SYNJ1: variants seen among roughly 807,000 people sequenced by gnomAD.
The protein encoded by SYNJ1 is polyphosphatidylinositol phosphatase SYNJ1.
In SYNJ1, 78 loss-of-function variants were observed where a neutral mutation model predicts 168.2. That is an observed-to-expected ratio of 0.46 (90% CI 0.39 to 0.56). SYNJ1 has a LOEUF of 0.56. SYNJ1 is among the 20% of genes least tolerant of loss of function. The pLI is 0.00. For synonymous variants in SYNJ1, 539 were observed against 548.6 expected (o/e 0.98, Z 0.24); for missense variants, 1,303 against 1,597.6 (o/e 0.82, Z 3.14).
chr21:32,637,099 G>A (rs1482320012), intron 31 of SYNJ1, among the ~76,000 whole-genome samples: 2 of 152,100 alleles, frequency 1.3e-5, no homozygotes, highest in East Asian at 3.9e-4. Flanking sequence ...TGCACCTCCG[G>A]AAGTTTTTCA....
chr21:32,676,215 A>T, intron 13 of SYNJ1, 117 bp downstream of exon 13: 2 of 724,710 alleles, frequency 2.8e-6, no homozygotes. Context: ...TCCTGTTAGG[A>T]TCTGATGGCA....
intron 3 of SYNJ1, 113 bp from the exon 4 acceptor site, chr21:32,700,218 C>A: frequency 8.1e-7 from 1 of 1,240,624 alleles, no homozygotes; most frequent in Non-Finnish European, 1.1e-6. Flanking sequence ...TTAAACTTAT[C>A]ATGGATGTGT....
At chr21:32,652,607 A>G (rs1417518794) in intron 22 of SYNJ1, among the ~76,000 whole-genome samples, 3 of 152,376 alleles carry the variant, frequency 2.0e-5, no homozygotes, top group African/African-American at 7.2e-5. Context: ...TCAGGCCTAG[A>G]GTACAATCCA....
In SYNJ1 at chr21:32,687,047, A is replaced by G. The variant is rs1337587742; in HGVS notation, c.879T>C (p.Tyr293=). 5.9e-6 allele frequency: 9 copies of G among 1,532,922 alleles called. No homozygotes were observed. Among genetic ancestry groups the G allele is most frequent in the Non-Finnish European group, 7.9e-6 (9 of 1,143,140 alleles). 95.0% of individuals were successfully genotyped at this position (1,532,922 alleles called of 1,614,324 possible). ...GCAAATTTACTATTATTTGTTTACC[A>G]TATAAGTTCTTAAGTGTTCTAAAAT... ...DRHFRTLKNL[Y]GKQIIVNLLG... Residue 293 remains tyrosine, a synonymous_variant, in exon 8 of 33, where the codon TAT becomes TAC. Transcript: ENST00000674351.
chr21:32,634,960 C>CA, intron 31 of SYNJ1, 76 bp from the exon 32 acceptor site: 1 of 1,489,146 alleles, frequency 6.7e-7, no homozygotes. Flanking sequence ...CCTAACAATT[C>CA]AGTCAACAAA....
intron 2 of SYNJ1, among the ~76,000 whole-genome samples, chr21:32,725,531 CTGTTCTT>C (rs2043413643): frequency 6.6e-6 from 1 of 152,156 alleles, no homozygotes; most frequent in Non-Finnish European, 1.5e-5. Context: ...TTCTTATATA[CTGTTCTT>C]TGCTTAAGAC....
intron 12 of SYNJ1, among the ~76,000 whole-genome samples, chr21:32,678,431 G>A (rs1569081470): frequency 1.3e-5 from 2 of 152,060 alleles, no homozygotes; most frequent in African/African-American, 2.4e-5. Context: ...AACCATGCAA[G>A]GGCCTCAGTT....
At chr21:32,701,240 A>G (rs2042389262) in intron 3 of SYNJ1, among the ~76,000 whole-genome samples, 1 of 152,214 alleles carries the variant, frequency 6.6e-6, no homozygotes, top group African/African-American at 2.4e-5. Flanking sequence ...AGTGCTACTC[A>G]AAGTATGGTC....
intron 22 of SYNJ1, among the ~76,000 whole-genome samples, chr21:32,651,908 G>C (rs1336703038): frequency 6.6e-6 from 1 of 152,134 alleles, no homozygotes; most frequent in Non-Finnish European, 1.5e-5. Flanking sequence ...GTCATAAGAG[G>C]TAGTAAGAAA....
chr21:32,631,569 C>T lies in SYNJ1; in HGVS notation c.*236G>A. 6.2e-7 allele frequency: 1 copy of T among 1,614,118 alleles called. No homozygotes were observed. Among genetic ancestry groups the T allele is most frequent in the East Asian group, 2.2e-5 (1 of 44,866 alleles). ...ACTTCGCATATTTTCCTGGGATTGA[C>T]TCCGAGCTGGAATTGGAGGCATTGT... On this transcript the variant is annotated 3_prime_UTR_variant, in exon 33 of 33. Coordinates refer to ENST00000674351, the MANE Select transcript of SYNJ1 (RefSeq NM_203446.3).
chr21:32,631,407 G>A lies in SYNJ1; in HGVS notation c.*398C>T. 1 of 1,614,228 alleles carries A rather than the reference G, an allele frequency of 6.2e-7. No homozygotes were observed. Among genetic ancestry groups the A allele is most frequent in the Middle Eastern group, 1.6e-4 (1 of 6,062 alleles). ...CTGCAGAGAAGGGAAAGGACTGATA[G>A]TAACGGGCTCTTCTTTGGAGAACCA... is the stretch of plus-strand genomic sequence containing the variant. On this transcript the variant is annotated 3_prime_UTR_variant, in exon 33 of 33. Transcript: ENST00000674351.
At chr21:32,727,905 T>G in intron 1 of SYNJ1, 41 bp downstream of exon 1, 1 of 1,530,512 alleles carries the variant, frequency 6.5e-7, no homozygotes, top group African/African-American at 1.4e-5. Flanking sequence ...TGCCCGTGGG[T>G]CTGGCCGCAG....
chr21:32,714,523 G>T (rs1356888951), intron 2 of SYNJ1, among the ~76,000 whole-genome samples: 1 of 152,178 alleles, frequency 6.6e-6, no homozygotes, highest in African/African-American at 2.4e-5. Flanking sequence ...AAATTAAGAG[G>T]AGGAATTGAC....
At chr21:32,675,621 A>G (rs1221276481) in intron 13 of SYNJ1, among the ~76,000 whole-genome samples, 1 of 152,222 alleles carries the variant, frequency 6.6e-6, no homozygotes. Flanking sequence ...AATCCTTTTC[A>G]ACTAAATTTC....
intron 2 of SYNJ1, among the ~76,000 whole-genome samples, chr21:32,711,985 T>C (rs1227214380): frequency 6.6e-6 from 1 of 152,230 alleles, no homozygotes; most frequent in African/African-American, 2.4e-5. Flanking sequence ...TAAATGTAAA[T>C]TTCTCCAACT....
chr21:32,655,261 C>G (rs756830784), intron 21 of SYNJ1, among the ~76,000 whole-genome samples: 7 of 152,242 alleles, frequency 4.6e-5, no homozygotes, highest in Non-Finnish European at 7.3e-5. Flanking sequence ...ATCTGCTACT[C>G]TGCTGCCCAC....
At chr21:32,679,151 T>A (rs975109766) in intron 11 of SYNJ1, among the ~76,000 whole-genome samples, 1 of 152,186 alleles carries the variant, frequency 6.6e-6, no homozygotes, top group African/African-American at 2.4e-5. Context: ...ACAAGGTAAT[T>A]TGTAAACTTG....
At chr21:32,657,641 T>G in intron 19 of SYNJ1, 75 bp downstream of exon 19, 1 of 1,366,284 alleles carries the variant, frequency 7.3e-7, no homozygotes, top group Non-Finnish European at 9.8e-7. Flanking sequence ...ATTCTCCTCA[T>G]TTGATATTAT....
chr21:32,702,568 C>T (rs1330687821), intron 2 of SYNJ1, among the ~76,000 whole-genome samples: 1 of 151,964 alleles, frequency 6.6e-6, no homozygotes, highest in East Asian at 1.9e-4. Flanking sequence ...AATCCTGAAA[C>T]GTTAAAGAAA....
Sources: gnomAD v4.1 joint callset for allele counts (sites outside exome capture counted in the v4.1 genomes callset) on GRCh38, gnomAD v4.1.1 for gene constraint, MANE v1.5 for transcripts, NCBI Gene and HGNC (gene_info 2026-07-23, HGNC 2026-07-21) for gene names.